ZDHHC21: variants seen among roughly 807,000 people sequenced by gnomAD.
ZDHHC21 encodes the protein zDHHC palmitoyltransferase 21.
ZDHHC21 carries 15 observed loss-of-function variants against 34.6 expected under a neutral mutation model. That is an observed-to-expected ratio of 0.43 (90% CI 0.29 to 0.67). ZDHHC21 has a LOEUF of 0.67. Among genes scored for constraint, ZDHHC21 ranks in the 30% least tolerant of loss-of-function variants. ZDHHC21 has a pLI of 0.14. For synonymous variants in ZDHHC21, 142 were observed against 101.8 expected (o/e 1.40, Z -2.38); for missense variants, 344 against 327.7 (o/e 1.05, Z -0.38).
chr9:14,599,625 G>C, the ZDHHC21 span, among the ~76,000 whole-genome samples: 2 of 151,970 alleles, frequency 1.3e-5, no homozygotes, highest in African/African-American at 4.8e-5. Context: ...CCCTGGAAAG[G>C]GGGCTGAAGC....
At chr9:14,677,170 T>G (rs1836557899) in intron 3 of ZDHHC21, among the ~76,000 whole-genome samples, 1 of 152,012 alleles carries the variant, frequency 6.6e-6, no homozygotes, top group Non-Finnish European at 1.5e-5. Flanking sequence ...ATATGTCCAT[T>G]TTTCCTGGAT....
intron 7 of ZDHHC21, among the ~76,000 whole-genome samples, chr9:14,642,366 C>T (rs1829518152): frequency 2.0e-5 from 3 of 152,042 alleles, no homozygotes; most frequent in Admixed American, 2.0e-4. Context: ...CTTTTTGAAT[C>T]CAAAAATTGG....
At chr9:14,622,754 G>GT (rs917700134) in intron 8 of ZDHHC21, 1 of 985,030 alleles carries the variant, frequency 1.0e-6, no homozygotes, top group African/African-American at 1.7e-5. Flanking sequence ...GAGTCTGGAA[G>GT]TAAGAGCCAT....
downstream of ZDHHC21, among the ~76,000 whole-genome samples, chr9:14,610,524 T>C (rs1228207142): frequency 6.6e-6 from 1 of 151,998 alleles, no homozygotes; most frequent in African/African-American, 2.4e-5. Context: ...ATTTAAAAAA[T>C]AAAGTTAAAC....
intron 8 of ZDHHC21, among the ~76,000 whole-genome samples, chr9:14,624,186 A>C (rs1825815439): frequency 1.3e-5 from 2 of 152,154 alleles, no homozygotes; most frequent in African/African-American, 4.8e-5. Flanking sequence ...ATTATAAATA[A>C]TCTAGAAGAT....
At chr9:14,677,257 A>G (rs1587411183) in intron 3 of ZDHHC21, 1 of 150,938 alleles carries the variant, frequency 6.6e-6, no homozygotes, top group East Asian at 1.9e-4. Context: ...GAAAAATAAA[A>G]CAACAAACAA....
At chr9:14,649,667 T>C (rs952002185) in intron 7 of ZDHHC21, among the ~76,000 whole-genome samples, 7 of 152,222 alleles carry the variant, frequency 4.6e-5, no homozygotes, top group East Asian at 1.9e-4. Context: ...ATGGCTGTCA[T>C]TGAGTGTTCA....
intron 7 of ZDHHC21, among the ~76,000 whole-genome samples, 153 bp downstream of exon 7, chr9:14,658,596 C>T (rs990699964): frequency 1.3e-4 from 19 of 149,026 alleles, no homozygotes; most frequent in African/African-American, 4.2e-4. Context: ...CTCAGCCTCC[C>T]GAGTAGCTGG....
chr9:14,635,172 C>G (rs1241586110), intron 8 of ZDHHC21, among the ~76,000 whole-genome samples: 1 of 152,152 alleles, frequency 6.6e-6, no homozygotes, highest in Non-Finnish European at 1.5e-5. Flanking sequence ...ACAAAGACTA[C>G]ATGACATATT....
At chr9:14,660,241 T>C (rs1449004185) in intron 6 of ZDHHC21, among the ~76,000 whole-genome samples, 2 of 151,424 alleles carry the variant, frequency 1.3e-5, no homozygotes, top group Non-Finnish European at 2.9e-5. Context: ...TGGCATGCAC[T>C]TGTAATCCCA....
At chr9:14,664,302 G>A (rs1298507587) in intron 5 of ZDHHC21, among the ~76,000 whole-genome samples, 3 of 152,098 alleles carry the variant, frequency 2.0e-5, no homozygotes, top group Admixed American at 6.5e-5. Flanking sequence ...TTTTCAGACC[G>A]GCTTAAGAAA....
intron 7 of ZDHHC21, among the ~76,000 whole-genome samples, chr9:14,645,094 C>A (rs188232136): frequency 2.6e-5 from 4 of 152,072 alleles, no homozygotes; most frequent in Admixed American, 1.3e-4. Context: ...CTGACAAAAT[C>A]TTTTTTCTTA....
chr9:14,667,445 T>A (rs1254462555), intron 5 of ZDHHC21, among the ~76,000 whole-genome samples: 1 of 151,876 alleles, frequency 6.6e-6, no homozygotes, highest in African/African-American at 2.4e-5. Context: ...ATACCCTTCC[T>A]TCTGAAACTA....
At chr9:14,630,202 G>A (rs1412799805) in intron 8 of ZDHHC21, among the ~76,000 whole-genome samples, 1 of 152,166 alleles carries the variant, frequency 6.6e-6, no homozygotes, top group African/African-American at 2.4e-5. Flanking sequence ...CTCAAACACT[G>A]CCACTGCTTT....
At chr9:14,634,350 A>G (rs1827893492) in intron 8 of ZDHHC21, among the ~76,000 whole-genome samples, 1 of 152,092 alleles carries the variant, frequency 6.6e-6, no homozygotes, top group South Asian at 2.1e-4. Flanking sequence ...TGCCTGGCGC[A>G]TTGCTGCCAC....
intron 8 of ZDHHC21, among the ~76,000 whole-genome samples, chr9:14,637,551 A>C (rs1356035909): frequency 1.3e-5 from 2 of 152,004 alleles, no homozygotes; most frequent in Non-Finnish European, 2.9e-5. Context: ...CAACAAACTA[A>C]GCACAGAAGA....
chr9:14,623,064 T>A (rs1207164915), intron 8 of ZDHHC21, among the ~76,000 whole-genome samples: 7 of 151,230 alleles, frequency 4.6e-5, no homozygotes, highest in Admixed American at 4.6e-4. Flanking sequence ...CCTGATCCTA[T>A]GAAACTACTG....
At position 14,611,607 on chromosome 9, in the gene ZDHHC21, T is replaced by C. The variant is rs528653093; in HGVS notation, c.*7359A>G. 1 of 152,038 alleles carries C rather than the reference T, an allele frequency of 6.6e-6. No individual in the cohort carries two copies. The highest frequency in any genetic ancestry group is 1.5e-5 in the Non-Finnish European group (1 of 67,958). 9.4% of individuals were successfully genotyped at this position (152,038 alleles called of 1,614,324 possible). A position where few individuals can be genotyped will look rare whatever the true frequency, so the allele number is the denominator to read the frequency against. On this transcript the variant is annotated 3_prime_UTR_variant, in exon 10 of 10. Coordinates refer to ENST00000380916, the MANE Select transcript of ZDHHC21 (RefSeq NM_178566.6). Reference sequence around the variant, plus strand: ...ACCACTATTAAAAGCATTTTAGGGATATAATACTAGACAGAACTTGGGGTT... The same window carrying C: ...ACCACTATTAAAAGCATTTTAGGGACATAATACTAGACAGAACTTGGGGTT...
chr9:14,675,446 T>C (rs973056206), intron 3 of ZDHHC21, among the ~76,000 whole-genome samples: 4 of 151,932 alleles, frequency 2.6e-5, no homozygotes, highest in African/African-American at 9.7e-5. Context: ...TACTGAATCA[T>C]AATTCTTCAT....
Sources: gnomAD v4.1 joint callset for allele counts (sites outside exome capture counted in the v4.1 genomes callset) on GRCh38, gnomAD v4.1.1 for gene constraint, MANE v1.5 for transcripts, NCBI Gene and HGNC (gene_info 2026-07-23, HGNC 2026-07-21) for gene names.